Variants in DLG2 observed in about 807,000 individuals in gnomAD.
DLG2 encodes disks large homolog 2.
Under a neutral mutation model 132.5 loss-of-function variants are expected in DLG2, and 45 were observed. The ratio of observed to expected loss-of-function variants is 0.34; its 90% CI spans 0.27 to 0.44. The LOEUF (loss-of-function observed/expected upper bound fraction) is 0.44, where lower values mean the gene tolerates loss of function less well. Ranked by LOEUF, DLG2 falls within the 20% of genes least tolerant of loss-of-function variation. The pLI, the probability that DLG2 is intolerant of heterozygous loss-of-function variation, is 1.00. For synonymous variants in DLG2, 424 were observed against 419.6 expected (o/e 1.01, Z -0.13); for missense variants, 1,045 against 1,196.9 (o/e 0.87, Z 1.87).
chr11:83,577,472 A>AAATAGGATATATTATATATATAT (rs2096891466), intron 19 of DLG2, among the ~76,000 whole-genome samples: 2 of 131,374 alleles, frequency 1.5e-5, no homozygotes, highest in African/African-American at 6.6e-5. Flanking sequence ...TATATATATA[A>AAATAGGATATATTATATATATAT]AATAGGATAT....
intron 7 of DLG2, among the ~76,000 whole-genome samples, chr11:84,494,249 G>A (rs370279277): frequency 2.1e-4 from 32 of 152,226 alleles, no homozygotes; most frequent in Admixed American, 5.9e-4. Flanking sequence ...GCTCTTAATC[G>A]GAAAGAATAT....
At chr11:85,465,715 T>C (rs1027825949) in intron 3 of DLG2, among the ~76,000 whole-genome samples, 28 of 152,326 alleles carry the variant, frequency 1.8e-4, no homozygotes, top group African/African-American at 5.5e-4. Flanking sequence ...TTGATGGACA[T>C]TTGGGTTGGT....
At chr11:84,914,461 C>T (rs574696866) in intron 6 of DLG2, among the ~76,000 whole-genome samples, 70 of 152,318 alleles carry the variant, frequency 4.6e-4, no homozygotes, top group Middle Eastern at 6.8e-3. Context: ...AGATTTCTTT[C>T]AACGGATGCT....
At chr11:85,366,361 T>C (rs1277925957) in intron 3 of DLG2, among the ~76,000 whole-genome samples, 1 of 152,072 alleles carries the variant, frequency 6.6e-6, no homozygotes, top group Non-Finnish European at 1.5e-5. Flanking sequence ...CTTTGCACAA[T>C]ATATATAAAT....
At chr11:85,482,821 C>A (rs1350926404) in intron 3 of DLG2, among the ~76,000 whole-genome samples, 1 of 152,180 alleles carries the variant, frequency 6.6e-6, no homozygotes, top group Non-Finnish European at 1.5e-5. Flanking sequence ...TTCCAGCAGA[C>A]CCATGGTCCA....
At chr11:83,978,375 G>T (rs535465783) in intron 12 of DLG2, among the ~76,000 whole-genome samples, 4 of 151,766 alleles carry the variant, frequency 2.6e-5, no homozygotes, top group African/African-American at 7.3e-5. Context: ...AGAACGAAAC[G>T]GTCTTCATTT....
chr11:83,931,022 T>G (rs2080096462), intron 14 of DLG2, among the ~76,000 whole-genome samples: 2 of 152,222 alleles, frequency 1.3e-5, no homozygotes, highest in Admixed American at 1.3e-4. Context: ...ACTGTGTTGT[T>G]CAAGCTAGGA....
At chr11:85,271,524 A>G (rs1193404872) in intron 4 of DLG2, among the ~76,000 whole-genome samples, 1 of 152,214 alleles carries the variant, frequency 6.6e-6, no homozygotes, top group East Asian at 1.9e-4. Flanking sequence ...CACAGCTTGC[A>G]CCGTGCACCC....
At chr11:83,519,166 G>C (rs1184321393) in intron 21 of DLG2, among the ~76,000 whole-genome samples, 1 of 152,172 alleles carries the variant, frequency 6.6e-6, no homozygotes, top group Admixed American at 6.5e-5. Context: ...ACCCAGATGG[G>C]GCCTTTGCAG....
intron 7 of DLG2, among the ~76,000 whole-genome samples, chr11:84,487,230 T>A (rs2099153371): frequency 6.6e-6 from 1 of 152,130 alleles, no homozygotes; most frequent in Admixed American, 6.6e-5. Context: ...TCTAAATATA[T>A]GAGTACCGAT....
At chr11:84,153,014 A>G (rs565703695) in intron 9 of DLG2, among the ~76,000 whole-genome samples, 5 of 152,274 alleles carry the variant, frequency 3.3e-5, no homozygotes, top group East Asian at 1.9e-4. Flanking sequence ...AACTCCCTCA[A>G]GGACCTCTTG....
chr11:85,445,103 C>T (rs2091948911), intron 3 of DLG2, among the ~76,000 whole-genome samples: 1 of 152,174 alleles, frequency 6.6e-6, no homozygotes, highest in South Asian at 2.1e-4. Context: ...TCTACAAATT[C>T]TACCAAAAAT....
At chr11:84,911,956 TG>T (rs2092100294) in intron 6 of DLG2, among the ~76,000 whole-genome samples, 2 of 152,214 alleles carry the variant, frequency 1.3e-5, no homozygotes, top group Admixed American at 1.3e-4. Flanking sequence ...TCTCCTCAAC[TG>T]TAAGACTAAG....
In DLG2 at chr11:85,342,907, T is replaced by C. The variant is rs543934567; in HGVS notation, c.41-57542A>G. 9.2e-5 allele frequency among the ~76,000 whole-genome samples: 14 copies of C among 152,362 alleles called. No homozygotes were observed. In the East Asian group the frequency reaches 2.5e-3, roughly 27 times the overall value. ...AGTAATAACATACATGTATAATATA[T>C]GTAATATGTAGAAATATACTAACAC... On this transcript the variant is annotated intron_variant, in intron 3 of 27. Coordinates refer to ENST00000376104, the MANE Select transcript of DLG2 (RefSeq NM_001142699.3).
rs369593143 is a variant in DLG2, at chr11:83,639,290, C to T, written c.1826-5965G>A. Among the ~76,000 whole-genome samples the T allele has an allele frequency of 7.2e-5, 11 of 152,218 alleles. No homozygotes were observed. In the South Asian group the frequency reaches 8.3e-4, roughly 11 times the overall value. On this transcript the variant is annotated intron_variant, in intron 18 of 27. Transcript: ENST00000376104. ...TTGCCAGATAAGAGGAAGCCATAAA[C>T]GGAGGGAACAGGGTTAGAAACTCTA...
At chr11:83,541,597 A>T in intron 20 of DLG2, 85 bp downstream of exon 20, 1 of 1,204,588 alleles carries the variant, frequency 8.3e-7, no homozygotes, top group Non-Finnish European at 1.1e-6. Flanking sequence ...AATTTTGTGA[A>T]CAGTTTCTCC....
At chr11:83,480,637 A>G in intron 22 of DLG2, 1 of 1,555,310 alleles carries the variant, frequency 6.4e-7, no homozygotes, top group Non-Finnish European at 8.7e-7. Context: ...TTTTTAGCAA[A>G]TGAAGAAAGT....
intron 7 of DLG2, among the ~76,000 whole-genome samples, chr11:84,259,543 G>T (rs1515093): frequency 0.98 from 149,703 of 152,234 alleles, 73,611 homozygotes; most frequent in East Asian, 1. Context: ...GCCTGAGGGC[G>T]TGGCTAGTTC....
intron 6 of DLG2, among the ~76,000 whole-genome samples, chr11:84,917,266 T>C (rs1427478093): frequency 6.6e-6 from 1 of 152,124 alleles, no homozygotes. Flanking sequence ...CTGGCCAACA[T>C]GTATTAGAAA....
Sources: allele counts gnomAD v4.1 joint callset (sites outside exome capture counted in the v4.1 genomes callset), GRCh38; gene constraint gnomAD v4.1.1; transcripts MANE v1.5; gene names NCBI Gene and HGNC (gene_info 2026-07-23, HGNC 2026-07-21).